The following CNBD2 variants were observed in gnomAD, a reference collection of about 807,000 sequenced individuals.
CNBD2 encodes cyclic nucleotide-binding domain-containing protein 2.
CNBD2 carries 64 observed loss-of-function variants against 63.7 expected under a neutral mutation model. The observed-to-expected ratio is 1.00, with a 90% CI of 0.82 to 1.24. The LOEUF (loss-of-function observed/expected upper bound fraction) is 1.24, where lower values mean the gene tolerates loss of function less well. Ranked by LOEUF, CNBD2 falls within the 50% of genes most tolerant of loss-of-function variation. The pLI is 0.00. For missense variants in CNBD2, 691 were observed against 713.5 expected (o/e 0.97, Z 0.36); for synonymous variants, 229 against 255.4 (o/e 0.90, Z 0.99).
exon 1 of CNBD2, chr20:35,955,171 G>C (rs2056241134): frequency 6.1e-6 from 1 of 165,274 alleles, no homozygotes; most frequent in Non-Finnish European, 1.5e-5. Context: ...CTGGCCTCCT[G>C]AGTTGACTCA....
rs1401055777 is a variant in CNBD2, at chr20:36,006,313, C to T, written c.971-1984C>T. On this transcript the variant is annotated intron_variant, in intron 8 of 11. Coordinates refer to ENST00000373973, the MANE Select transcript of CNBD2 (RefSeq NM_001365709.1). ...AAAGTGCTGGGATTATAGGCATGAGCCACCACACCCGGCTGGAGATCTCTT... is the reference window on the plus strand; with the variant it reads ...AAAGTGCTGGGATTATAGGCATGAGTCACCACACCCGGCTGGAGATCTCTT... Among the ~76,000 whole-genome samples, 3 of 152,102 alleles carry T rather than the reference C, an allele frequency of 2.0e-5. No individual in the cohort carries two copies. The East Asian group carries it at 5.8e-4, about 29-fold the overall frequency.
At chr20:36,022,014 CT>C (rs11453771) in intron 10 of CNBD2, among the ~76,000 whole-genome samples, 155 of 143,370 alleles carry the variant, frequency 1.1e-3, no homozygotes, top group South Asian at 8.6e-3. Context: ...TTTTATTTTA[CT>C]TTTTTTTTTT....
intron 3 of CNBD2, among the ~76,000 whole-genome samples, chr20:35,979,227 GCTC>G (rs769547867): frequency 6.6e-5 from 10 of 152,226 alleles, no homozygotes; most frequent in Non-Finnish European, 1.5e-4. Flanking sequence ...CATTTTTTGA[GCTC>G]CTAAGGTAGG....
Position 36,011,197 on chromosome 20 carries a change from C to G in CNBD2, c.1209C>G (p.Pro403=). The change falls in exon 10 of 12, where the codon CCC becomes CCG. Residue 403 remains proline (P), a synonymous_variant. Coordinates refer to ENST00000373973, the MANE Select transcript of CNBD2 (RefSeq NM_001365709.1). ...AMINIKPGEL[P]KEAAVGAYVK... ...TCAATATCAAGCCTGGTGAGCTCCC[C>G]AAGGAGGCTGCAGTGGGGGCCTACG... The G allele has an allele frequency of 6.3e-7, 1 of 1,598,644 alleles. No homozygotes were observed. The highest frequency in any genetic ancestry group is 8.5e-7 in the Non-Finnish European group (1 of 1,171,876).
intron 6 of CNBD2, among the ~76,000 whole-genome samples, chr20:35,986,594 C>T (rs1411744604): frequency 1.1e-4 from 16 of 152,190 alleles, no homozygotes; most frequent in African/African-American, 3.4e-4. Flanking sequence ...TTCAGACCTT[C>T]GTCCCTGACA....
chr20:36,013,126 GA>G (rs61104122), intron 10 of CNBD2, among the ~76,000 whole-genome samples: 5,398 of 150,960 alleles, frequency 0.036, 336 homozygotes, highest in African/African-American at 0.13. Context: ...TGTTAAAAAA[GA>G]AAAAAAATCA....
intron 1 of CNBD2, among the ~76,000 whole-genome samples, chr20:35,970,603 G>A (rs2056399585): frequency 6.6e-6 from 1 of 151,772 alleles, no homozygotes; most frequent in Non-Finnish European, 1.5e-5. Context: ...TCACCATGTT[G>A]GCCAGACTAG....
At position 35,998,331 on chromosome 20, in the gene CNBD2, A is replaced by G. The variant is rs2056854055; in HGVS notation, c.970+3179A>G. Among the ~76,000 whole-genome samples, 3 of 151,616 alleles carry G rather than the reference A, an allele frequency of 2.0e-5. No individual in the cohort carries two copies. The South Asian group carries it at 6.2e-4, about 32-fold the overall frequency. The stretch of plus-strand genomic sequence containing the variant: ...GCTGGGATTATAGGCGTGAGCCACC[A>G]CGCCTGGCCTCTGTTATTGAATTCT... On this transcript the variant is annotated intron_variant, in intron 8 of 11. Transcript: ENST00000373973.
At chr20:35,997,355 G>A (rs577336494) in intron 8 of CNBD2, among the ~76,000 whole-genome samples, 73 of 142,072 alleles carry the variant, frequency 5.1e-4, no homozygotes, top group Middle Eastern at 3.4e-3. Context: ...ACAGGGTGGC[G>A]AGGAGAAGGG....
chr20:35,977,655 G>C (rs754568566), intron 3 of CNBD2, among the ~76,000 whole-genome samples: 1 of 152,104 alleles, frequency 6.6e-6, no homozygotes, highest in Admixed American at 6.6e-5. Flanking sequence ...TGCAGTCTGG[G>C]TGACAGAGTG....
rs6141583 is a variant in CNBD2 at position 35,984,912 on chromosome 20, G to T, written c.716+134G>T. The T allele has an allele frequency of 6.1e-6, 5 of 818,426 alleles. No homozygotes were observed. The Admixed American group carries it at 6.2e-5, about 10-fold the overall frequency. 50.7% of individuals were successfully genotyped at this position (818,426 alleles called of 1,614,324 possible). A position where few individuals can be genotyped will look rare whatever the true frequency, so the allele number is the denominator to read the frequency against. On this transcript the variant is annotated intron_variant, in intron 6 of 11. Coordinates refer to ENST00000373973, the MANE Select transcript of CNBD2 (RefSeq NM_001365709.1). ...CTGGGATGCTCTGAAGTCCCACCTC[G>T]TACCCACCTTCTCTCTCTGCAGACT...
rs2056682483 is a variant in CNBD2, at chr20:35,987,392, C to T, written c.717-3C>T. The stretch of plus-strand genomic sequence containing the variant: ...GATGAATTCTAACAGGCTCTTCCCA[C>T]AGGAAGATGGAGCTGTTTGCATCAT... On this transcript the variant is annotated splice_polypyrimidine_tract_variant and splice_region_variant and intron_variant, in intron 6 of 11. Coordinates refer to ENST00000373973, the MANE Select transcript of CNBD2 (RefSeq NM_001365709.1). 6.2e-7 allele frequency: 1 copy of T among 1,613,974 alleles called. No homozygotes were observed. Among genetic ancestry groups the T allele is most frequent in the Non-Finnish European group, 8.5e-7 (1 of 1,180,004 alleles).
chr20:35,984,705 CG>C lies in CNBD2; in HGVS notation c.646del (p.Glu216ArgfsTer41). 6.2e-7 allele frequency: 1 copy of C among 1,614,134 alleles called. No individual in the cohort carries two copies. Among genetic ancestry groups the C allele is most frequent in the Non-Finnish European group, 8.5e-7 (1 of 1,180,000 alleles). ...AGAAACGGAGTTCCTGGTTGTTGAC[CG>C]GGAGGACTTCTTTGCTAATAAGCTG... is the stretch of plus-strand genomic sequence containing the variant. ...MEETEFLVVD[R>X]EDFFANKLDQ... is the part of the protein sequence containing the mutation. On this transcript the variant is annotated frameshift_variant, in exon 6 of 12. Coordinates refer to ENST00000373973, the MANE Select transcript of CNBD2 (RefSeq NM_001365709.1). LOFTEE classifies it high-confidence loss of function.
chr20:35,976,994 C>T (rs1449094043), intron 3 of CNBD2, among the ~76,000 whole-genome samples: 4 of 152,282 alleles, frequency 2.6e-5, no homozygotes, highest in African/African-American at 9.6e-5. Context: ...TTCGTGCCCC[C>T]TCGTGTATGA....
At chr20:35,984,257 C>A in intron 5 of CNBD2, 119 bp downstream of exon 5, 1 of 1,035,004 alleles carries the variant, frequency 9.7e-7, no homozygotes, top group Non-Finnish European at 1.4e-6. Flanking sequence ...GTCAGTGTCC[C>A]GTGTGGGCCC....
chr20:36,010,387 T>G (rs975620113), intron 9 of CNBD2, among the ~76,000 whole-genome samples: 1 of 145,880 alleles, frequency 6.9e-6, no homozygotes, highest in Non-Finnish European at 1.5e-5. Flanking sequence ...TAGGTTGCAG[T>G]GAGCCAAGAT....
chr20:35,982,114 G>C (rs1016082838), intron 4 of CNBD2, among the ~76,000 whole-genome samples: 4 of 152,168 alleles, frequency 2.6e-5, no homozygotes, highest in Non-Finnish European at 2.9e-5. Flanking sequence ...TTCCCCTGCT[G>C]CTGGTCAAGC....
At chr20:35,954,670 G>A, upstream of CNBD2, 1 of 1,229,908 alleles carries the variant, frequency 8.1e-7, no homozygotes, top group South Asian at 1.5e-5. Context: ...GCGCCAGTTC[G>A]AGGAGGAGTC....
upstream of CNBD2, chr20:35,954,524 C>A: frequency 1.3e-6 from 2 of 1,524,418 alleles, no homozygotes; most frequent in South Asian, 1.2e-5. Context: ...CGCGCGAGCA[C>A]CCGGAAGCCG....
Sources: allele counts gnomAD v4.1 joint callset (sites outside exome capture counted in the v4.1 genomes callset), GRCh38; gene constraint gnomAD v4.1.1; transcripts MANE v1.5; gene names NCBI Gene and HGNC (gene_info 2026-07-23, HGNC 2026-07-21).